The following MLYCD variants were observed in gnomAD, a reference collection of about 807,000 sequenced individuals.
MLYCD encodes malonyl-CoA decarboxylase, also known as malonyl-CoA decarboxylase, mitochondrial.
MLYCD carries 27 observed loss-of-function variants against 35.8 expected under a neutral mutation model. The ratio of observed to expected loss-of-function variants is 0.75; its 90% CI spans 0.56 to 1.04. The LOEUF (loss-of-function observed/expected upper bound fraction) is 1.04, where lower values mean the gene tolerates loss of function less well. Ranked by LOEUF, MLYCD falls within the 50% of genes least tolerant of loss-of-function variation. The pLI, the probability that MLYCD is intolerant of heterozygous loss-of-function variation, is 0.00. For synonymous variants in MLYCD, 403 were observed against 302.4 expected (o/e 1.33, Z -3.45); for missense variants, 917 against 665.1 (o/e 1.38, Z -4.17).
chr16:83,905,422 T>G (rs894626561), intron 1 of MLYCD, among the ~76,000 whole-genome samples: 16 of 152,148 alleles, frequency 1.1e-4, no homozygotes, highest in Non-Finnish European at 1.9e-4. Context: ...AAAATAACAG[T>G]GATTTGAATA....
chr16:83,916,640 G>A lies in MLYCD; in HGVS notation c.*1151G>A, dbSNP rs1447920741. On this transcript the variant is annotated 3_prime_UTR_variant, in exon 5 of 5. Transcript: ENST00000262430. The stretch of plus-strand genomic sequence containing the variant: ...TCTGTGTGGATCAGTGCACGTCTGT[G>A]TGCGTGTGCACGAGCATCTCTGTGT... 6.9e-6 allele frequency: 1 copy of A among 145,302 alleles called. No homozygotes were observed. Among genetic ancestry groups the A allele is most frequent in the Admixed American group, 6.9e-5 (1 of 14,496 alleles). 9.0% of individuals were successfully genotyped at this position (145,302 alleles called of 1,614,324 possible). A position where few individuals can be genotyped will look rare whatever the true frequency, so the allele number is the denominator to read the frequency against.
chr16:83,923,360 G>T lies in MLYCD; in HGVS notation c.*7871G>T, dbSNP rs1028681618. 1 of 152,236 alleles carries T rather than the reference G, an allele frequency of 6.6e-6. No homozygotes were observed. The highest frequency in any genetic ancestry group is 2.4e-5 in the African/African-American group (1 of 41,460). The allele number at this position is 152,236 out of a possible 1,614,324, so 9.4% of individuals were successfully genotyped here. On this transcript the variant is annotated 3_prime_UTR_variant, in exon 5 of 5. Transcript: ENST00000262430. ...CTTACAGAAATATGAAGTCCATTTT[G>T]ATCTACTCTTAGAAACAAAAGCTGC... is the stretch of plus-strand genomic sequence containing the variant.
At position 83,916,917 on chromosome 16, in the gene MLYCD, GTC is replaced by G. The variant is rs1397238114; in HGVS notation, c.*1432_*1433del. 2 of 140,750 alleles carry G rather than the reference GTC, an allele frequency of 1.4e-5. No homozygotes were observed. Among genetic ancestry groups the G allele is most frequent in the African/African-American group, 2.7e-5 (1 of 36,486 alleles). The allele number at this position is 140,750 out of a possible 1,614,324, so 8.7% of individuals were successfully genotyped here. ...CACGTCTGTGTGCGTGTGCACGAGCGTCTCTGTGTGGATCAGTGCACGTCTGT... is the reference window on the plus strand; with the variant it reads ...CACGTCTGTGTGCGTGTGCACGAGCGTCTGTGTGGATCAGTGCACGTCTGT... On this transcript the variant is annotated 3_prime_UTR_variant, in exon 5 of 5. Transcript: ENST00000262430.
chr16:83,918,823 A>T lies in MLYCD; in HGVS notation c.*3334A>T, dbSNP rs1302076075. On this transcript the variant is annotated 3_prime_UTR_variant, in exon 5 of 5. Coordinates refer to ENST00000262430, the MANE Select transcript of MLYCD (RefSeq NM_012213.3). ...CGCACACACAGTGCACAGAACACAG[A>T]CACAGTACACAGGAGAACACGCACA... 1 of 148,026 alleles carries T rather than the reference A, an allele frequency of 6.8e-6. No homozygotes were observed. The highest frequency in any genetic ancestry group is 1.5e-5 in the Non-Finnish European group (1 of 67,340). The allele number at this position is 148,026 out of a possible 1,614,324, so 9.2% of individuals were successfully genotyped here.
chr16:83,918,374 TTGCACAGGAGAATTCACACACAG>T lies in MLYCD; in HGVS notation c.*2898_*2920del, dbSNP rs1567638931. 8.8e-6 allele frequency: 1 copy of T among 113,164 alleles called. No homozygotes were observed. The highest frequency in any genetic ancestry group is 1.8e-5 in the Non-Finnish European group (1 of 56,714). 7.0% of individuals were successfully genotyped at this position (113,164 alleles called of 1,614,324 possible). ...GTGCACAGGAGAACACGCACACATG[TTGCACAGGAGAATTCACACACAG>T]TGCACAGGAGAACACACAGTGCACA... On this transcript the variant is annotated 3_prime_UTR_variant, in exon 5 of 5. Transcript: ENST00000262430.
chr16:83,902,946 T>A (rs1906850353), intron 1 of MLYCD, among the ~76,000 whole-genome samples: 1 of 152,156 alleles, frequency 6.6e-6, no homozygotes, highest in Admixed American at 6.5e-5. Context: ...GGTGTGGGTA[T>A]GAGGATGTGA....
intron 3 of MLYCD, 30 bp downstream of exon 3, chr16:83,908,312 T>C (rs1237594281): frequency 6.2e-7 from 1 of 1,613,094 alleles, no homozygotes; most frequent in East Asian, 2.2e-5. Flanking sequence ...CGGGACAAGA[T>C]GGGCACCCCA....
intron 3 of MLYCD, among the ~76,000 whole-genome samples, chr16:83,910,939 A>T (rs570938800): frequency 6.6e-6 from 1 of 152,190 alleles, no homozygotes; most frequent in Non-Finnish European, 1.5e-5. Context: ...TCCTCAGGGC[A>T]GATATGCATA....
In MLYCD at chr16:83,902,165, A is replaced by G. The variant is rs951920205; in HGVS notation, c.528+2493A>G. On this transcript the variant is annotated intron_variant, in intron 1 of 4. Transcript: ENST00000262430. ...TGTGTGTGTGCGTGCGTATATATAT[A>G]TATATATATATATATATATATATAT... 7.2e-4 allele frequency among the ~76,000 whole-genome samples: 83 copies of G among 115,360 alleles called. 4 individuals are homozygous for G. The highest frequency in any genetic ancestry group is 2.9e-3 in the South Asian group (12 of 4,106). The allele number at this position is 115,360 out of a possible 152,430, so 75.7% of individuals were successfully genotyped here. A position where few individuals can be genotyped will look rare whatever the true frequency, so the allele number is the denominator to read the frequency against.
In MLYCD at chr16:83,899,300, G is replaced by A; in HGVS notation, c.156G>A (p.Pro52=). The stretch of plus-strand genomic sequence containing the variant: ...TGCGCCGCGCGGTGCCGCCGACGCC[G>A]GCCTACGAGCTGCGCGAGAAGACAC... ...ELLRRAVPPT[P]AYELREKTPA... Residue 52 remains proline (P), a synonymous_variant, in exon 1 of 5, where the codon CCG becomes CCA. Transcript: ENST00000262430. 1 of 1,484,476 alleles carries A rather than the reference G, an allele frequency of 6.7e-7. No homozygotes were observed. The highest frequency in any genetic ancestry group is 2.2e-5 in the Admixed American group (1 of 44,898). The allele number at this position is 1,484,476 out of a possible 1,614,324, so 92.0% of individuals were successfully genotyped here. A position where few individuals can be genotyped will look rare whatever the true frequency, so the allele number is the denominator to read the frequency against.
intron 1 of MLYCD, among the ~76,000 whole-genome samples, chr16:83,902,777 A>G (rs1906844012): frequency 6.6e-6 from 1 of 152,188 alleles, no homozygotes; most frequent in Non-Finnish European, 1.5e-5. Context: ...AAGTGCTGGA[A>G]TTACAGGTGT....
At position 83,915,635 on chromosome 16, in the gene MLYCD, C is replaced by T; in HGVS notation, c.*146C>T. ...CCCGCAGCCGGTCCACACTGTGAGG[C>T]CAGGCCTCAACTTCCCTCACCCTGG... On this transcript the variant is annotated 3_prime_UTR_variant, in exon 5 of 5. Coordinates refer to ENST00000262430, the MANE Select transcript of MLYCD (RefSeq NM_012213.3). 1.3e-6 allele frequency: 2 copies of T among 1,518,824 alleles called. No individual in the cohort carries two copies. 94.1% of individuals were successfully genotyped at this position (1,518,824 alleles called of 1,614,324 possible). A position where few individuals can be genotyped will look rare whatever the true frequency, so the allele number is the denominator to read the frequency against.
Position 83,907,030 on chromosome 16 carries a change from C to G in MLYCD, c.572C>G (p.Ser191Cys), listed in dbSNP as rs1300569267. The G allele has an allele frequency of 1.2e-6, 2 of 1,614,128 alleles. No individual in the cohort carries two copies. The highest frequency in any genetic ancestry group is 3.3e-5 in the Admixed American group (2 of 60,028). ...AAAGGAATGCTCTCAGAATGGTTTT[C>G]CTCCGGGTTCCTGAACCTAGAACGG... Reference protein sequence around the residue: ...VLKGMLSEWFSSGFLNLERVT... With the variant: ...VLKGMLSEWFCSGFLNLERVT... The change falls in exon 2 of 5, where the codon TCC becomes TGC. Residue 191 changes from serine (S) to cysteine (C), a missense_variant. By Grantham distance (112) the Ser-to-Cys change is moderately radical. Coordinates refer to ENST00000262430, the MANE Select transcript of MLYCD (RefSeq NM_012213.3).
intron 1 of MLYCD, among the ~76,000 whole-genome samples, chr16:83,900,367 C>A (rs371424372): frequency 9.2e-5 from 14 of 152,294 alleles, no homozygotes; most frequent in African/African-American, 3.1e-4. Context: ...GAAAGAAGGC[C>A]TAGAGCAACA....
intron 1 of MLYCD, among the ~76,000 whole-genome samples, chr16:83,901,970 C>A (rs924116369): frequency 6.6e-6 from 1 of 152,026 alleles, no homozygotes; most frequent in Non-Finnish European, 1.5e-5. Flanking sequence ...AGGAGCCTTT[C>A]TGTGATTGCT....
intron 1 of MLYCD, 86 bp downstream of exon 1, chr16:83,899,758 A>G (rs865925808): frequency 1.5e-5 from 21 of 1,385,780 alleles, no homozygotes; most frequent in Middle Eastern, 2.6e-4. Flanking sequence ...AGTCCCACAC[A>G]CCCCGCCTTC....
intron 1 of MLYCD, among the ~76,000 whole-genome samples, chr16:83,905,920 T>A (rs140106536): frequency 2.0e-5 from 3 of 152,366 alleles, no homozygotes; most frequent in African/African-American, 7.2e-5. Flanking sequence ...CTGCTCTTGC[T>A]GGAAAAGCTT....
chr16:83,902,829 C>A (rs1355518790), intron 1 of MLYCD, among the ~76,000 whole-genome samples: 2 of 152,090 alleles, frequency 1.3e-5, no homozygotes, highest in East Asian at 3.9e-4. Context: ...TTAAAATGTT[C>A]TTTTCCTCTG....
In MLYCD at chr16:83,915,502, C is replaced by G. The variant is rs747916484; in HGVS notation, c.*13C>G. The G allele has an allele frequency of 3.1e-6, 5 of 1,608,558 alleles. No homozygotes were observed. Among genetic ancestry groups the G allele is most frequent in the African/African-American group, 2.7e-5 (2 of 75,052 alleles). ...CAGCAAGCTCTGACAGTAAACCTCT[C>G]CTAAAGCACAGGGCCCCGGCTAAGA... On this transcript the variant is annotated 3_prime_UTR_variant, in exon 5 of 5. Coordinates refer to ENST00000262430, the MANE Select transcript of MLYCD (RefSeq NM_012213.3).
Sources: allele counts gnomAD v4.1 joint callset (sites outside exome capture counted in the v4.1 genomes callset), GRCh38; gene constraint gnomAD v4.1.1; transcripts MANE v1.5; gene names NCBI Gene and HGNC (gene_info 2026-07-23, HGNC 2026-07-21).